ACOXL: variants seen among roughly 807,000 people sequenced by gnomAD.
ACOXL encodes the protein acyl-coenzyme A oxidase-like protein.
ACOXL carries 70 observed loss-of-function variants against 71.9 expected under a neutral mutation model. The observed-to-expected ratio is 0.97, with a 90% CI of 0.80 to 1.19. ACOXL has a LOEUF of 1.19. Ranked by LOEUF, ACOXL falls within the 50% of genes most tolerant of loss-of-function variation. The pLI is 0.00. For missense variants in ACOXL, 703 were observed against 736.3 expected (o/e 0.95, Z 0.52); for synonymous variants, 253 against 281.6 (o/e 0.90, Z 1.02).
Position 110,930,691 on chromosome 2 carries a change from T to C in ACOXL, c.906-2798T>C, listed in dbSNP as rs916933014. On this transcript the variant is annotated intron_variant, in intron 11 of 17. Transcript: ENST00000439055. ...GTGGGAAGGACTCAGTGGGGGCTAA[T>C]TGAATCATGGGGGCAGTTTCCGCTA... Among the ~76,000 whole-genome samples, 7 of 152,172 alleles carry C rather than the reference T, an allele frequency of 4.6e-5. 1 individual carries two copies. In the South Asian group the frequency reaches 1.4e-3, roughly 31 times the overall value.
At chr2:110,767,014 G>A (rs765735402) in intron 1 of ACOXL, among the ~76,000 whole-genome samples, 8 of 152,214 alleles carry the variant, frequency 5.3e-5, no homozygotes, top group African/African-American at 9.6e-5. Context: ...TTATGGGGTA[G>A]AGAGGAAGAG....
intron 1 of ACOXL, among the ~76,000 whole-genome samples, chr2:110,762,401 A>T (rs1000779395): frequency 6.6e-6 from 1 of 151,620 alleles, no homozygotes; most frequent in African/African-American, 2.4e-5. Context: ...TCTGTTTCTT[A>T]TTTCTCTTAT....
intron 1 of ACOXL, among the ~76,000 whole-genome samples, chr2:110,766,148 A>G (rs1681033074): frequency 6.6e-6 from 1 of 152,050 alleles, no homozygotes; most frequent in Non-Finnish European, 1.5e-5. Context: ...TGGTGTGGGT[A>G]TCTGTTGATT....
intron 10 of ACOXL, among the ~76,000 whole-genome samples, chr2:110,893,726 T>C (rs181550378): frequency 1.3e-5 from 2 of 152,196 alleles, no homozygotes; most frequent in African/African-American, 2.4e-5. Flanking sequence ...CTTCATGATA[T>C]AGCCCTAATT....
Position 110,932,400 on chromosome 2 carries a change from T to TTTCTCAATA in ACOXL, c.906-1086_906-1078dup, listed in dbSNP as rs143381135. Among the ~76,000 whole-genome samples, 963 of 152,338 alleles carry TTTCTCAATA rather than the reference T, an allele frequency of 6.3e-3. 11 individuals are homozygous for TTTCTCAATA. Among genetic ancestry groups the TTTCTCAATA allele is most frequent in the African/African-American group, 0.022 (914 of 41,572 alleles). ...TGAATGCATCATTGTAAACATATTA[T>TTTCTCAATA]TTCTCAATATTGTTGATTAGGGAAG... On this transcript the variant is annotated intron_variant, in intron 11 of 17. Coordinates refer to ENST00000439055, the MANE Select transcript of ACOXL (RefSeq NM_001142807.4).
chr2:110,876,742 A>G (rs1558659128), intron 10 of ACOXL, among the ~76,000 whole-genome samples: 1 of 152,096 alleles, frequency 6.6e-6, no homozygotes, highest in Non-Finnish European at 1.5e-5. Flanking sequence ...ATGATTCTAA[A>G]AGTATTTTTG....
chr2:110,832,544 CAAAAAAA>C (rs769471148), intron 9 of ACOXL, among the ~76,000 whole-genome samples: 1 of 44,314 alleles, frequency 2.3e-5, no homozygotes, highest in Non-Finnish European at 4.7e-5. Context: ...GACTCCATCT[CAAAAAAA>C]AAAAAAAAAA....
chr2:110,818,469 A>G (rs150647850), intron 9 of ACOXL, among the ~76,000 whole-genome samples: 14 of 143,574 alleles, frequency 9.8e-5, no homozygotes, highest in Non-Finnish European at 2.0e-4. Context: ...ATATATATGT[A>G]TATGTGTATG....
intron 8 of ACOXL, among the ~76,000 whole-genome samples, chr2:110,804,539 A>G (rs1303192478): frequency 1.3e-5 from 2 of 152,256 alleles, no homozygotes; most frequent in Non-Finnish European, 2.9e-5. Flanking sequence ...ACAAATGTCC[A>G]TAGCATAATT....
chr2:111,029,961 G>C (rs1249518917), intron 14 of ACOXL, among the ~76,000 whole-genome samples: 1 of 151,954 alleles, frequency 6.6e-6, no homozygotes, highest in Non-Finnish European at 1.5e-5. Flanking sequence ...TTCAGGCAGG[G>C]GTCTGCATTG....
At chr2:111,024,732 T>A (rs1485297856) in intron 14 of ACOXL, among the ~76,000 whole-genome samples, 1 of 151,978 alleles carries the variant, frequency 6.6e-6, no homozygotes, top group African/African-American at 2.4e-5. Flanking sequence ...GGTATCTTGT[T>A]ATCAGGAAAA....
rs574098311 is a variant in ACOXL at position 110,960,682 on chromosome 2, G to A, written c.1060-26426G>A. 6.7e-5 allele frequency among the ~76,000 whole-genome samples: 9 copies of A among 133,720 alleles called. No individual in the cohort carries two copies. In the South Asian group the frequency reaches 2.2e-3, roughly 32 times the overall value. 87.7% of individuals were successfully genotyped at this position (133,720 alleles called of 152,430 possible). A position where few individuals can be genotyped will look rare whatever the true frequency, so the allele number is the denominator to read the frequency against. On this transcript the variant is annotated intron_variant, in intron 12 of 17. Coordinates refer to ENST00000439055, the MANE Select transcript of ACOXL (RefSeq NM_001142807.4). ...TTCTTTTGGGTTTTTTTTTTTTAAT[G>A]TATAAATTTTCTGGGTTTTTTTTTT... is the stretch of plus-strand genomic sequence containing the variant.
intron 9 of ACOXL, among the ~76,000 whole-genome samples, chr2:110,812,290 C>T (rs1473869641): frequency 3.3e-5 from 5 of 151,982 alleles, no homozygotes; most frequent in Non-Finnish European, 5.9e-5. Flanking sequence ...ATTTAACAAC[C>T]GAAATTTAAA....
At chr2:110,918,228 A>G (rs1318397804) in intron 11 of ACOXL, among the ~76,000 whole-genome samples, 2 of 152,216 alleles carry the variant, frequency 1.3e-5, no homozygotes, top group African/African-American at 2.4e-5. Context: ...CCAGTGGAAC[A>G]GAACAGAGGC....
chr2:111,023,257 G>A (rs116957516), intron 14 of ACOXL, among the ~76,000 whole-genome samples: 8 of 152,060 alleles, frequency 5.3e-5, no homozygotes, highest in Admixed American at 3.3e-4. Flanking sequence ...GAGTAAGCAC[G>A]GTCAAATCAC....
At chr2:111,109,863 G>A (rs1025289524) in intron 17 of ACOXL, among the ~76,000 whole-genome samples, 2 of 151,590 alleles carry the variant, frequency 1.3e-5, no homozygotes, top group African/African-American at 4.8e-5. Context: ...ATTTTTAGTA[G>A]AGACAGGGTT....
intron 9 of ACOXL, among the ~76,000 whole-genome samples, chr2:110,840,055 T>C (rs1478770285): frequency 6.6e-6 from 1 of 152,062 alleles, no homozygotes; most frequent in Non-Finnish European, 1.5e-5. Flanking sequence ...GGTGGCGCAA[T>C]CTCAGCTCAC....
intron 12 of ACOXL, among the ~76,000 whole-genome samples, chr2:110,936,173 C>A (rs1358929458): frequency 4.6e-5 from 7 of 152,140 alleles, no homozygotes. Context: ...ACCTGGAGTG[C>A]ATGCAGACTC....
chr2:110,752,882 G>C (rs1444921493), intron 1 of ACOXL, among the ~76,000 whole-genome samples: 1 of 152,114 alleles, frequency 6.6e-6, no homozygotes, highest in Non-Finnish European at 1.5e-5. Context: ...GCTGGGTCAG[G>C]CTCTCCCATA....
Sources: gnomAD v4.1 joint callset for allele counts (sites outside exome capture counted in the v4.1 genomes callset) on GRCh38, gnomAD v4.1.1 for gene constraint, MANE v1.5 for transcripts, NCBI Gene and HGNC (gene_info 2026-07-23, HGNC 2026-07-21) for gene names.